Variants in OR1J2 observed in about 807,000 individuals in gnomAD.
OR1J2 encodes the protein olfactory receptor family 1 subfamily J member 2, also known as olfactory receptor 1J2.
For synonymous variants in OR1J2, 142 were observed against 99.7 expected, an observed-to-expected ratio of 1.42 and a Z score of -2.52; for missense variants, 304 against 246.1, an observed-to-expected ratio of 1.24 and a Z score of -1.57.
chr9:122,509,802 A>G (rs937117443), upstream of OR1J2, among the ~76,000 whole-genome samples: 2 of 152,222 alleles, frequency 1.3e-5, no homozygotes, highest in African/African-American at 2.4e-5. Flanking sequence ...ATTTTTAGAC[A>G]GGGAAGTCAT....
the OR1J2 span, among the ~76,000 whole-genome samples, chr9:122,575,098 G>T: frequency 6.6e-6 from 1 of 151,992 alleles, no homozygotes; most frequent in Non-Finnish European, 1.5e-5. Context: ...GATTCAATTT[G>T]CAAACATTTT....
At chr9:122,556,866 G>A in the OR1J2 span, among the ~76,000 whole-genome samples, 1 of 152,086 alleles carries the variant, frequency 6.6e-6, no homozygotes, top group Non-Finnish European at 1.5e-5. Flanking sequence ...ATAACATTGA[G>A]TTTTCCTATA....
At chr9:122,567,802 C>T in the OR1J2 span, 3 of 1,614,030 alleles carry the variant, frequency 1.9e-6, no homozygotes, top group Non-Finnish European at 2.5e-6. Flanking sequence ...ATCTTGAGAA[C>T]TGTAGTGAGG....
upstream of OR1J2, among the ~76,000 whole-genome samples, chr9:122,509,065 C>T (rs191845125): frequency 9.2e-5 from 14 of 152,338 alleles, no homozygotes; most frequent in Non-Finnish European, 2.1e-4. Flanking sequence ...ACATTTAAGG[C>T]ACTCATTATC....
At chr9:122,469,021 A>G in the OR1J2 span, among the ~76,000 whole-genome samples, 3 of 152,212 alleles carry the variant, frequency 2.0e-5, no homozygotes, top group African/African-American at 7.2e-5. Context: ...CATTTAAAGA[A>G]TGAGTCTGGC....
the OR1J2 span, among the ~76,000 whole-genome samples, chr9:122,558,476 A>G: frequency 2.0e-5 from 3 of 151,772 alleles, no homozygotes; most frequent in Non-Finnish European, 2.9e-5. Context: ...TTTCTGGGCT[A>G]AAGTGGCTTT....
At chr9:122,554,626 TAAC>T in the OR1J2 span, among the ~76,000 whole-genome samples, 11 of 152,320 alleles carry the variant, frequency 7.2e-5, no homozygotes, top group East Asian at 3.9e-4. Context: ...CTAAATAACT[TAAC>T]AAGTCAATTT....
At chr9:122,544,667 C>T in the OR1J2 span, among the ~76,000 whole-genome samples, 1 of 152,020 alleles carries the variant, frequency 6.6e-6, no homozygotes, top group Non-Finnish European at 1.5e-5. Context: ...GATCTGCCCT[C>T]CTCGGCCTCC....
At chr9:122,488,654 A>G in the OR1J2 span, among the ~76,000 whole-genome samples, 1 of 152,252 alleles carries the variant, frequency 6.6e-6, no homozygotes, top group African/African-American at 2.4e-5. Context: ...CATAAAAATG[A>G]GTGTGAGAAT....
chr9:122,482,986 A>G, the OR1J2 span, among the ~76,000 whole-genome samples: 2 of 152,208 alleles, frequency 1.3e-5, no homozygotes, highest in East Asian at 1.9e-4. Context: ...GTATATTTCA[A>G]AAGAGCTAGA....
At chr9:122,550,810 G>A in the OR1J2 span, among the ~76,000 whole-genome samples, 3 of 151,940 alleles carry the variant, frequency 2.0e-5, no homozygotes, top group East Asian at 5.8e-4. Context: ...ATGGGGGAAA[G>A]CTGAACGCAT....
At chr9:122,551,239 G>A in the OR1J2 span, among the ~76,000 whole-genome samples, 3 of 152,174 alleles carry the variant, frequency 2.0e-5, no homozygotes, top group Non-Finnish European at 4.4e-5. Flanking sequence ...ACAAAGCATA[G>A]TGGATAATAG....
the OR1J2 span, among the ~76,000 whole-genome samples, chr9:122,540,647 G>T: frequency 6.6e-6 from 1 of 152,148 alleles, no homozygotes; most frequent in Non-Finnish European, 1.5e-5. Flanking sequence ...TTCCAATTCT[G>T]TGCAGAAAGT....
At chr9:122,526,137 A>G in the OR1J2 span, among the ~76,000 whole-genome samples, 8 of 152,210 alleles carry the variant, frequency 5.3e-5, no homozygotes, top group Non-Finnish European at 8.8e-5. Context: ...GTTATTCACT[A>G]CTATACTGAA....
the OR1J2 span, among the ~76,000 whole-genome samples, chr9:122,530,215 G>A: frequency 1.3e-5 from 2 of 152,338 alleles, no homozygotes; most frequent in Non-Finnish European, 2.9e-5. Flanking sequence ...ACGTTCATCA[G>A]CTGGAACAGA....
the OR1J2 span, among the ~76,000 whole-genome samples, chr9:122,463,513 T>G: frequency 6.6e-6 from 1 of 152,196 alleles, no homozygotes; most frequent in African/African-American, 2.4e-5. Flanking sequence ...TTTTGTCATA[T>G]TGCCAGCACT....
chr9:122,570,686 CTAAT>C, the OR1J2 span, among the ~76,000 whole-genome samples: 1 of 152,200 alleles, frequency 6.6e-6, no homozygotes, highest in Non-Finnish European at 1.5e-5. Context: ...GTTCTCAAAA[CTAAT>C]TATCTCACAT....
At chr9:122,472,466 T>C in the OR1J2 span, among the ~76,000 whole-genome samples, 2 of 152,232 alleles carry the variant, frequency 1.3e-5, no homozygotes, top group Non-Finnish European at 2.9e-5. Flanking sequence ...AGAAACCTTA[T>C]ACTTGCCGTG....
At chr9:122,561,530 C>T in the OR1J2 span, among the ~76,000 whole-genome samples, 5 of 151,990 alleles carry the variant, frequency 3.3e-5, no homozygotes, top group Non-Finnish European at 7.4e-5. Flanking sequence ...TTTGTGGGGA[C>T]GTTTTTTGTT....
Sources: gnomAD v4.1 joint callset for allele counts (sites outside exome capture counted in the v4.1 genomes callset) on GRCh38, gnomAD v4.1.1 for gene constraint, MANE v1.5 for transcripts, NCBI Gene and HGNC (gene_info 2026-07-23, HGNC 2026-07-21) for gene names.